TRIP10: variants seen among roughly 807,000 people sequenced by gnomAD.
The protein encoded by TRIP10 is cdc42-interacting protein 4.
TRIP10 carries 54 observed loss-of-function variants against 80.9 expected under a neutral mutation model. That is an observed-to-expected ratio of 0.67 (90% CI 0.54 to 0.84). TRIP10 has a LOEUF of 0.84. TRIP10 is among the 40% of genes least tolerant of loss of function. The pLI is 0.00. For synonymous variants in TRIP10, 321 were observed against 307.2 expected (o/e 1.04, Z -0.47); for missense variants, 773 against 815.3 (o/e 0.95, Z 0.63).
Position 6,750,638 on chromosome 19 carries a change from G to A in TRIP10, c.1657+5G>A. 1.2e-6 allele frequency: 2 copies of A among 1,613,880 alleles called. No individual in the cohort carries two copies. Among genetic ancestry groups the A allele is most frequent in the African/African-American group, 2.7e-5 (2 of 75,042 alleles). On this transcript the variant is annotated splice_donor_5th_base_variant and intron_variant, in intron 14 of 14. Transcript: ENST00000313244. ...TGGCCATCTACCACTTTGAAGGTGA[G>A]AACGGCCAGAGTGGGCTTGGCGGGG...
Position 6,743,449 on chromosome 19 carries a change from C to T in TRIP10, c.409-45C>T, listed in dbSNP as rs746796230. On this transcript the variant is annotated intron_variant, in intron 5 of 14. Coordinates refer to ENST00000313244, the MANE Select transcript of TRIP10 (RefSeq NM_001288962.2). Reference sequence around the variant, plus strand: ...AAACCTTGGTTTCCCACCCTGCTGTCTTTGGGATGGTGGCTCCCTCACTCC... The same window carrying T: ...AAACCTTGGTTTCCCACCCTGCTGTTTTTGGGATGGTGGCTCCCTCACTCC... 55 of 1,601,344 alleles carry T rather than the reference C, an allele frequency of 3.4e-5. 1 individual carries two copies. The South Asian group carries it at 5.7e-4, about 17-fold the overall frequency.
At position 6,749,991 on chromosome 19, in the gene TRIP10, C is replaced by T. The variant is rs774070474; in HGVS notation, c.1320C>T (p.Pro440=). The change falls in exon 12 of 15, where the codon CCC becomes CCT. Residue 440 remains proline, a synonymous_variant. Coordinates refer to ENST00000313244, the MANE Select transcript of TRIP10 (RefSeq NM_001288962.2). ...AGAAGACACCTCAGATGGGGGACCC[C>T]GCCAGCTTGGAGCCCCAGATCGCTG... The part of the protein sequence containing the change: ...VYEKTPQMGD[P]ASLEPQIAET... 108 of 1,614,094 alleles carry T rather than the reference C, an allele frequency of 6.7e-5. No individual in the cohort carries two copies. The highest frequency in any genetic ancestry group is 2.8e-4 in the Admixed American group (17 of 60,022).
At position 6,739,686 on chromosome 19, in the gene TRIP10, C is replaced by T; in HGVS notation, c.-76C>T. On this transcript the variant is annotated 5_prime_UTR_variant, in exon 1 of 15. Coordinates refer to ENST00000313244, the MANE Select transcript of TRIP10 (RefSeq NM_001288962.2). ...AGGCGCACCGCCCTCGGCTGAGTCT[C>T]CCCGGGGAGGGCGGCGGGCGGCGGG... is the stretch of plus-strand genomic sequence containing the variant. The T allele has an allele frequency of 1.6e-6, 2 of 1,233,732 alleles. No individual in the cohort carries two copies. The highest frequency in any genetic ancestry group is 2.0e-6 in the Non-Finnish European group (2 of 984,760). 76.4% of individuals were successfully genotyped at this position (1,233,732 alleles called of 1,614,324 possible).
intron 5 of TRIP10, 67 bp downstream of exon 5, chr19:6,743,323 C>T: frequency 6.3e-7 from 1 of 1,591,028 alleles, no homozygotes. Context: ...GATCCGGAGT[C>T]AGGGAGCTGC....
intron 3 of TRIP10, among the ~76,000 whole-genome samples, chr19:6,741,687 A>G (rs543849664): frequency 3.9e-5 from 6 of 152,160 alleles, no homozygotes; most frequent in Non-Finnish European, 7.3e-5. Context: ...TGCAGTCCAT[A>G]TCAAACGCCG....
chr19:6,750,749 A>T, intron 14 of TRIP10, 116 bp downstream of exon 14: 1 of 1,452,660 alleles, frequency 6.9e-7, no homozygotes, highest in Non-Finnish European at 9.3e-7. Flanking sequence ...TAATCCCAGC[A>T]CTTTGGGAAG....
At chr19:6,747,925 T>C (rs1229430910) in intron 11 of TRIP10, among the ~76,000 whole-genome samples, 1 of 151,692 alleles carries the variant, frequency 6.6e-6, no homozygotes, top group Non-Finnish European at 1.5e-5. Context: ...CTGGGCAACG[T>C]AGTAAAACCC....
chr19:6,750,142 G>C, intron 12 of TRIP10, 76 bp downstream of exon 12: 1 of 1,543,022 alleles, frequency 6.5e-7, no homozygotes, highest in Non-Finnish European at 8.8e-7. Context: ...GGGGGGTCGG[G>C]GACAGGGGAG....
In TRIP10 at chr19:6,743,212, C is replaced by T. The variant is rs774458826; in HGVS notation, c.364C>T (p.Arg122Trp). The T allele has an allele frequency of 3.1e-5, 50 of 1,613,994 alleles. No individual in the cohort carries two copies. Among genetic ancestry groups the T allele is most frequent in the Admixed American group, 8.3e-5 (5 of 60,004 alleles). Residue 122 changes from arginine (R) to tryptophan (W), a missense_variant, in exon 5 of 15, where the codon CGG becomes TGG. Arg to Trp is a moderately radical substitution (Grantham distance 101). Transcript: ENST00000313244. ...TCTGTAGCACTTCCAAGAAGGGCGG[C>T]GGGCCCAGCAGCAGCTGGAAAATGG... ...ERKMHFQEGR[R>W]AQQQLENGFK...
Position 6,746,903 on chromosome 19 carries a change from A to G in TRIP10, c.1262+342A>G, listed in dbSNP as rs370854505. On this transcript the variant is annotated intron_variant, in intron 11 of 14. Coordinates refer to ENST00000313244, the MANE Select transcript of TRIP10 (RefSeq NM_001288962.2). The surrounding 1 kb of genome is among the most constrained non-coding windows in gnomAD (Gnocchi z 6.2). Reference sequence around the variant, plus strand: ...GTTGATCTGCCTGCCTCAGCCTCCCATAGTGCTGGGATTATAGGCATGAGC... The same window carrying G: ...GTTGATCTGCCTGCCTCAGCCTCCCGTAGTGCTGGGATTATAGGCATGAGC... 5.4e-4 allele frequency among the ~76,000 whole-genome samples: 83 copies of G among 152,300 alleles called. 5 individuals carry two copies. In the South Asian group the frequency reaches 0.013, roughly 24 times the overall value.
In TRIP10 at chr19:6,745,552, G is replaced by A. The variant is rs768614728; in HGVS notation, c.985-477G>A. On this transcript the variant is annotated intron_variant, in intron 9 of 14. Transcript: ENST00000313244. The surrounding 1 kb of genome is among the most constrained non-coding windows in gnomAD (Gnocchi z 7.2). ...CCTGCCTTCCACTCCCTCTCGGCTT[G>A]TGGTTTTATTTTTGTTTATTTATTT... The A allele has an allele frequency of 3.0e-5, 30 of 985,212 alleles. No individual in the cohort carries two copies. The highest frequency in any genetic ancestry group is 2.4e-4 in the South Asian group (5 of 21,270). The allele number at this position is 985,212 out of a possible 1,614,324, so 61.0% of individuals were successfully genotyped here.
chr19:6,742,887 C>T, intron 3 of TRIP10, 80 bp from the exon 4 acceptor site: 1 of 1,551,718 alleles, frequency 6.4e-7, no homozygotes. Context: ...CCTTTTCCAC[C>T]TGGAGGTGCG....
At position 6,744,669 on chromosome 19, in the gene TRIP10, A is replaced by T; in HGVS notation, c.758A>T (p.Lys253Met). The T allele has an allele frequency of 6.2e-7, 1 of 1,609,342 alleles. No homozygotes were observed. Reference protein sequence around the residue: ...PIIAKCLEGMKVAANAVDPKN... With the variant: ...PIIAKCLEGMMVAANAVDPKN... ...ATAGCCAAGTGCTTGGAGGGCATGA[A>T]GGTGGCTGCAAATGCTGTGGATCCC... is the stretch of plus-strand genomic sequence containing the variant. Residue 253 changes from lysine to methionine, a missense_variant, in exon 8 of 15, where the codon AAG (lysine) becomes ATG (methionine). Transcript: ENST00000313244. The surrounding 1 kb of genome is among the most constrained non-coding windows in gnomAD (Gnocchi z 4.9).
intron 3 of TRIP10, 97 bp downstream of exon 3, chr19:6,741,378 C>G (rs1968915229): frequency 1.5e-6 from 2 of 1,376,984 alleles, no homozygotes; most frequent in Admixed American, 2.0e-5. Flanking sequence ...CACCGCTCCT[C>G]TCACTTCCCC....
chr19:6,742,964 C>T lies in TRIP10; in HGVS notation c.198-3C>T. The T allele has an allele frequency of 6.2e-7, 1 of 1,613,848 alleles. No individual in the cohort carries two copies. The highest frequency in any genetic ancestry group is 8.5e-7 in the Non-Finnish European group (1 of 1,179,970). On this transcript the variant is annotated splice_region_variant and splice_polypyrimidine_tract_variant and intron_variant, in intron 3 of 14. Coordinates refer to ENST00000313244, the MANE Select transcript of TRIP10 (RefSeq NM_001288962.2). Reference sequence around the variant, plus strand: ...CTGTTCCCCGATTCTCATCCAACCCCAGATTCAGCCAGCAACAGTCCTTCG... The same window carrying T: ...CTGTTCCCCGATTCTCATCCAACCCTAGATTCAGCCAGCAACAGTCCTTCG...
At chr19:6,742,836 A>T in intron 3 of TRIP10, 131 bp from the exon 4 acceptor site, 1 of 1,297,416 alleles carries the variant, frequency 7.7e-7, no homozygotes, top group Non-Finnish European at 1.1e-6. Flanking sequence ...TATGGACCAG[A>T]ATTTGTCATC....
intron 11 of TRIP10, among the ~76,000 whole-genome samples, chr19:6,749,589 C>T (rs527342636): frequency 1.3e-5 from 2 of 151,090 alleles, no homozygotes; most frequent in Admixed American, 6.6e-5. Flanking sequence ...GAGCCCGGTG[C>T]TGTGGCTCAT....
In TRIP10 at chr19:6,751,080, A is replaced by C. The variant is rs376655548; in HGVS notation, c.1675A>C (p.Ile559Leu). The change falls in exon 15 of 15, where the codon ATC becomes CTC. Residue 559 changes from isoleucine to leucine, a missense_variant. Ile to Leu is a conservative substitution (Grantham distance 5). Transcript: ENST00000313244. ...CATCACAGGGTCCAGCGAGGGCACT[A>C]TCTCTATGGCCGAGGGTGAAGACCT... The part of the protein sequence containing the change: ...YHFEGSSEGT[I>L]SMAEGEDLSL... 8.8e-6 allele frequency: 14 copies of C among 1,587,146 alleles called. No homozygotes were observed. Among genetic ancestry groups the C allele is most frequent in the Non-Finnish European group, 1.1e-5 (13 of 1,163,416 alleles).
rs368860278 is a variant in TRIP10 at position 6,747,706 on chromosome 19, T to C, written c.1262+1145T>C. 2.6e-5 allele frequency among the ~76,000 whole-genome samples: 4 copies of C among 152,092 alleles called. 1 individual carries two copies. The highest frequency in any genetic ancestry group is 9.6e-5 in the African/African-American group (4 of 41,482). The stretch of plus-strand genomic sequence containing the variant: ...TACTCGGGAGGCTGAGGTGGGAGAA[T>C]CGCTTGAACCTGGGAGGCGGAGGTT... On this transcript the variant is annotated intron_variant, in intron 11 of 14. Coordinates refer to ENST00000313244, the MANE Select transcript of TRIP10 (RefSeq NM_001288962.2).
Sources: gnomAD v4.1 joint callset for allele counts (sites outside exome capture counted in the v4.1 genomes callset) on GRCh38, gnomAD v4.1.1 for gene constraint, Gnocchi (gnomAD v3.1) non-coding constraint, MANE v1.5 for transcripts, NCBI Gene and HGNC (gene_info 2026-07-23, HGNC 2026-07-21) for gene names.